The following TRIO variants were observed in gnomAD, a reference collection of about 807,000 sequenced individuals.
TRIO encodes triple functional domain protein.
Under a neutral mutation model 351.9 loss-of-function variants are expected in TRIO, and 58 were observed. The observed-to-expected ratio is 0.16, with a 90% CI of 0.13 to 0.21. The LOEUF (loss-of-function observed/expected upper bound fraction) is 0.21, where lower values mean the gene tolerates loss of function less well. TRIO is among the 10% of genes least tolerant of loss of function. The pLI is 1.00. For synonymous variants in TRIO, 1,758 were observed against 1,595.7 expected, an observed-to-expected ratio of 1.10 and a Z score of -2.42; for missense variants, 3,201 against 4,027.8, an observed-to-expected ratio of 0.79 and a Z score of 5.56.
chr5:14,437,381 T>A (rs1054952412), intron 34 of TRIO, among the ~76,000 whole-genome samples: 3 of 152,152 alleles, frequency 2.0e-5, no homozygotes, highest in East Asian at 3.8e-4. Context: ...CTCGGGGTGA[T>A]GTTGTTCAGC....
intron 1 of TRIO, among the ~76,000 whole-genome samples, chr5:14,201,439 C>T (rs556759925): frequency 6.6e-6 from 1 of 152,218 alleles, no homozygotes; most frequent in South Asian, 2.1e-4. Flanking sequence ...AATTCCAACA[C>T]TAGTTAATTA....
At chr5:14,186,078 T>C (rs1023799712) in intron 1 of TRIO, among the ~76,000 whole-genome samples, 2 of 152,222 alleles carry the variant, frequency 1.3e-5, no homozygotes, top group African/African-American at 4.8e-5. Context: ...CTGAGTAGTA[T>C]TTAGATGTTG....
chr5:14,152,150 T>A (rs575735017), intron 1 of TRIO, among the ~76,000 whole-genome samples: 2 of 152,318 alleles, frequency 1.3e-5, no homozygotes, highest in South Asian at 4.1e-4. Context: ...AATCCCTCAT[T>A]AGTCTAATAG....
At chr5:14,271,072 T>C (rs1022038847) in intron 2 of TRIO, among the ~76,000 whole-genome samples, 173 bp downstream of exon 2, 21 of 152,246 alleles carry the variant, frequency 1.4e-4, no homozygotes, top group Non-Finnish European at 2.9e-4. Flanking sequence ...CCAAAGCATT[T>C]TCTTCCAGTT....
At chr5:14,245,911 G>A (rs1008868546) in intron 1 of TRIO, among the ~76,000 whole-genome samples, 2 of 152,212 alleles carry the variant, frequency 1.3e-5, no homozygotes, top group Admixed American at 6.5e-5. Context: ...AAGCCTATTA[G>A]GGTGTTGAAT....
At chr5:14,503,199 C>G (rs1757418316) in intron 54 of TRIO, among the ~76,000 whole-genome samples, 1 of 152,258 alleles carries the variant, frequency 6.6e-6, no homozygotes, top group Non-Finnish European at 1.5e-5. Flanking sequence ...CACACACATT[C>G]AGGTGTTGTG....
chr5:14,271,686 A>C (rs1340099810), intron 2 of TRIO, among the ~76,000 whole-genome samples: 3 of 152,196 alleles, frequency 2.0e-5, no homozygotes, highest in African/African-American at 7.2e-5. Flanking sequence ...ACATCTGTAG[A>C]TTGTCGTCAC....
chr5:14,426,486 C>A (rs918838544), intron 34 of TRIO, among the ~76,000 whole-genome samples: 10 of 152,170 alleles, frequency 6.6e-5, no homozygotes, highest in African/African-American at 2.2e-4. Flanking sequence ...GCTGAAAAGT[C>A]CAGTTAGATG....
At chr5:14,263,667 A>G (rs1795484583) in intron 1 of TRIO, among the ~76,000 whole-genome samples, 2 of 152,150 alleles carry the variant, frequency 1.3e-5, no homozygotes, top group African/African-American at 4.8e-5. Context: ...TAAATTTCTA[A>G]ATGACTTTCC....
chr5:14,146,726 T>A (rs539671693), intron 1 of TRIO, among the ~76,000 whole-genome samples: 1 of 152,350 alleles, frequency 6.6e-6, no homozygotes, highest in Admixed American at 6.5e-5. Context: ...ACCTTGGGGC[T>A]GTTCCCCTTT....
intron 18 of TRIO, among the ~76,000 whole-genome samples, chr5:14,370,453 T>C (rs570956869): frequency 6.6e-6 from 1 of 152,256 alleles, no homozygotes; most frequent in East Asian, 1.9e-4. Flanking sequence ...CCCAGACCCA[T>C]TAAAAGTAGG....
chr5:14,206,165 A>G (rs981781710), intron 1 of TRIO, among the ~76,000 whole-genome samples: 2 of 152,136 alleles, frequency 1.3e-5, no homozygotes, highest in Non-Finnish European at 1.5e-5. Flanking sequence ...GGCACAAGTG[A>G]TCCTTCCACC....
chr5:14,188,262 G>C (rs1467641556), intron 1 of TRIO, among the ~76,000 whole-genome samples: 2 of 152,238 alleles, frequency 1.3e-5, no homozygotes, highest in Non-Finnish European at 2.9e-5. Context: ...AACTGTCCTT[G>C]AGTGCCAATG....
At chr5:14,223,678 G>A (rs1463333840) in intron 1 of TRIO, among the ~76,000 whole-genome samples, 1 of 152,242 alleles carries the variant, frequency 6.6e-6, no homozygotes, top group African/African-American at 2.4e-5. Flanking sequence ...TTTCCGGGAA[G>A]CAGGGCTGCG....
intron 11 of TRIO, among the ~76,000 whole-genome samples, chr5:14,338,826 G>A (rs1741668574): frequency 6.6e-6 from 1 of 152,148 alleles, no homozygotes; most frequent in South Asian, 2.1e-4. Flanking sequence ...GAGGGAAGAG[G>A]GCCTTGCATC....
chr5:14,498,332 C>T (rs756979110), intron 52 of TRIO, 81 bp downstream of exon 52: 63 of 1,561,782 alleles, frequency 4.0e-5, no homozygotes, highest in South Asian at 2.5e-4. Flanking sequence ...TCCTCCTTCA[C>T]GGATGGATTT....
rs114433055 is a variant in TRIO at position 14,483,127 on chromosome 5, G to T, written c.6657+354G>T. On this transcript the variant is annotated intron_variant, in intron 46 of 56. Coordinates refer to ENST00000344204, the MANE Select transcript of TRIO (RefSeq NM_007118.4). The stretch of plus-strand genomic sequence containing the variant: ...TATGATCAGAGAAAAAGTTCACTCG[G>T]TGTCTTCTTCTCTTCCTCCACTCAC... Among the ~76,000 whole-genome samples, 1,236 of 152,268 alleles carry T rather than the reference G, an allele frequency of 8.1e-3. 15 individuals carry two copies. Among genetic ancestry groups the T allele is most frequent in the African/African-American group, 0.028 (1,182 of 41,548 alleles).
Position 14,363,705 on chromosome 5 carries a change from G to T in TRIO, c.2392-27G>T, listed in dbSNP as rs1448844015. 1.8e-5 allele frequency: 28 copies of T among 1,594,766 alleles called. No homozygotes were observed. In the Admixed American group the frequency reaches 1.9e-4, roughly 11 times the overall value. ...AGGTGGCTGCATGTATATTTTTTTT[G>T]TCTTGATCTTAAATACCTTCTTTCA... is the stretch of plus-strand genomic sequence containing the variant. On this transcript the variant is annotated intron_variant, in intron 13 of 56. Coordinates refer to ENST00000344204, the MANE Select transcript of TRIO (RefSeq NM_007118.4).
chr5:14,219,711 GCAT>G lies in TRIO; in HGVS notation c.158-51111_158-51109del, dbSNP rs149134314. 7.8e-3 allele frequency among the ~76,000 whole-genome samples: 1,187 copies of G among 152,324 alleles called. 10 individuals carry two copies. Among genetic ancestry groups the G allele is most frequent in the African/African-American group, 0.027 (1,129 of 41,574 alleles). ...CGCAGAATCCTCAGCACCAGCTGAGGCATCAGAATCTTTGGGATAGGGTTCAGG... is the reference window on the plus strand; with the variant it reads ...CGCAGAATCCTCAGCACCAGCTGAGGCAGAATCTTTGGGATAGGGTTCAGG... On this transcript the variant is annotated intron_variant, in intron 1 of 56. Coordinates refer to ENST00000344204, the MANE Select transcript of TRIO (RefSeq NM_007118.4).
Sources: allele counts gnomAD v4.1 joint callset (sites outside exome capture counted in the v4.1 genomes callset), GRCh38; gene constraint gnomAD v4.1.1; transcripts MANE v1.5; gene names NCBI Gene and HGNC (gene_info 2026-07-23, HGNC 2026-07-21).